The following SMYD3 variants were observed in gnomAD, a reference collection of about 807,000 sequenced individuals.
The protein encoded by SMYD3 is SET and MYND domain containing 3, also known as histone-lysine N-methyltransferase SMYD3.
In SMYD3, 36 loss-of-function variants were observed where a neutral mutation model predicts 57.7. That is an observed-to-expected ratio of 0.62 (90% CI 0.48 to 0.82). The LOEUF (loss-of-function observed/expected upper bound fraction) is 0.82, where lower values mean the gene tolerates loss of function less well. SMYD3 is among the 40% of genes least tolerant of loss of function. The pLI, the probability that SMYD3 is intolerant of heterozygous loss-of-function variation, is 0.00. For synonymous variants in SMYD3, 211 were observed against 195.0 expected (o/e 1.08, Z -0.68); for missense variants, 515 against 538.8 (o/e 0.96, Z 0.44).
intron 1 of SMYD3, among the ~76,000 whole-genome samples, chr1:246,401,780 T>A (rs1254263185): frequency 2.0e-5 from 3 of 151,222 alleles, no homozygotes; most frequent in Non-Finnish European, 2.9e-5. Context: ...TGGAGTGCAA[T>A]GGCACGATCT....
chr1:246,294,153 A>G (rs2064749600), intron 5 of SMYD3, among the ~76,000 whole-genome samples: 1 of 151,826 alleles, frequency 6.6e-6, no homozygotes, highest in African/African-American at 2.4e-5. Context: ...CCCTCTCCCT[A>G]CATTCCTTCC....
intron 2 of SMYD3, among the ~76,000 whole-genome samples, chr1:246,341,819 T>C (rs2065637232): frequency 6.6e-6 from 1 of 152,218 alleles, no homozygotes; most frequent in Admixed American, 6.5e-5. Flanking sequence ...CAAGTTTTGG[T>C]TGGAGTGGAT....
chr1:246,052,058 C>G (rs1443382412), intron 5 of SMYD3, among the ~76,000 whole-genome samples: 1 of 152,196 alleles, frequency 6.6e-6, no homozygotes, highest in East Asian at 1.9e-4. Context: ...ATAAAATACA[C>G]TTAATTAGAT....
intron 10 of SMYD3, among the ~76,000 whole-genome samples, chr1:245,781,737 T>C (rs1216384277): frequency 1.3e-5 from 2 of 152,190 alleles, no homozygotes; most frequent in East Asian, 1.9e-4. Flanking sequence ...TCCCAGCACT[T>C]TGGGAGGCCG....
intron 5 of SMYD3, among the ~76,000 whole-genome samples, chr1:246,134,798 TC>T (rs956622669): frequency 9.8e-4 from 105 of 106,692 alleles, no homozygotes; most frequent in African/African-American, 2.3e-3. Flanking sequence ...CACATTTTCT[TC>T]CCCCCCCTGC....
intron 5 of SMYD3, among the ~76,000 whole-genome samples, chr1:246,195,632 C>CAT (rs564274294): frequency 1.3e-5 from 2 of 152,150 alleles, no homozygotes; most frequent in Non-Finnish European, 2.9e-5. Flanking sequence ...CACACACACA[C>CAT]GCACTGAAAG....
rs1044589878 is a variant in SMYD3 at position 246,495,615 on chromosome 1, A to C, written c.164+11439T>G. The stretch of plus-strand genomic sequence containing the variant: ...CTTCAGAAGTAAGTTGCTTTCTCTT[A>C]TCAGTTTATGAACAATTTTTACATA... On this transcript the variant is annotated intron_variant, in intron 1 of 11. Coordinates refer to ENST00000490107, the MANE Select transcript of SMYD3 (RefSeq NM_001167740.2). Among the ~76,000 whole-genome samples, 3 of 152,276 alleles carry C rather than the reference A, an allele frequency of 2.0e-5. No individual in the cohort carries two copies. In the South Asian group the frequency reaches 6.2e-4, roughly 32 times the overall value.
chr1:245,806,738 G>GATGGAGGTTGCAGTGGGCCGAGA (rs2048172143), intron 10 of SMYD3, among the ~76,000 whole-genome samples: 1 of 150,972 alleles, frequency 6.6e-6, no homozygotes, highest in Non-Finnish European at 1.5e-5. Flanking sequence ...GTGAAACCCC[G>GATGGAGGTTGCAGTGGGCCGAGA]TCTCTACTAA....
chr1:245,955,130 C>A (rs977188830), intron 5 of SMYD3, among the ~76,000 whole-genome samples: 6 of 152,170 alleles, frequency 3.9e-5, no homozygotes, highest in Non-Finnish European at 7.3e-5. Flanking sequence ...CTCGCTCTGT[C>A]GCCCAGGCTG....
At chr1:246,008,698 A>T (rs930043005) in intron 5 of SMYD3, among the ~76,000 whole-genome samples, 1 of 152,156 alleles carries the variant, frequency 6.6e-6, no homozygotes, top group Admixed American at 6.5e-5. Context: ...GGAACAAAGC[A>T]GTAGTGTTTG....
At position 245,817,283 on chromosome 1, in the gene SMYD3, G is replaced by T. The variant is rs541867323; in HGVS notation, c.1076+41213C>A. On this transcript the variant is annotated intron_variant, in intron 10 of 11. Coordinates refer to ENST00000490107, the MANE Select transcript of SMYD3 (RefSeq NM_001167740.2). ...AACTGGGAGGCACCCCCCAGCAGGG[G>T]CACACTGACACCTCACATGGCAGGG... Among the ~76,000 whole-genome samples the T allele has an allele frequency of 1.1e-3, 152 of 136,894 alleles. 3 individuals are homozygous for T. The highest frequency in any genetic ancestry group is 4.5e-3 in the African/African-American group (138 of 30,894). The allele number at this position is 136,894 out of a possible 152,430, so 89.8% of individuals were successfully genotyped here.
intron 1 of SMYD3, among the ~76,000 whole-genome samples, chr1:246,471,895 G>A (rs914263037): frequency 1.3e-5 from 2 of 152,098 alleles, no homozygotes; most frequent in Admixed American, 1.3e-4. Context: ...CTAATTAGCA[G>A]GAAGCACAAC....
intron 5 of SMYD3, among the ~76,000 whole-genome samples, chr1:246,050,479 T>G (rs2185074): frequency 0.36 from 55,069 of 152,056 alleles, 12,214 homozygotes; most frequent in African/African-American, 0.6. Context: ...GAACAATCTC[T>G]ATCACTGTTG....
chr1:246,081,546 T>C (rs1021423135), intron 5 of SMYD3, among the ~76,000 whole-genome samples: 1 of 152,132 alleles, frequency 6.6e-6, no homozygotes, highest in African/African-American at 2.4e-5. Flanking sequence ...GCCTGCACCA[T>C]GTCACCTGGC....
chr1:246,417,083 C>G, intron 1 of SMYD3, among the ~76,000 whole-genome samples: 1 of 152,160 alleles, frequency 6.6e-6, no homozygotes. Context: ...TACAGTTCCT[C>G]CCTCAACTTC....
intron 1 of SMYD3, among the ~76,000 whole-genome samples, chr1:246,424,807 G>A (rs187336065): frequency 1.6e-3 from 239 of 152,192 alleles, no homozygotes; most frequent in Admixed American, 5.5e-3. Flanking sequence ...TTGCAAAATC[G>A]TTTTATCATC....
At chr1:246,326,075 AC>A in intron 5 of SMYD3, 1 of 272,480 alleles carries the variant, frequency 3.7e-6, no homozygotes, top group Non-Finnish European at 6.8e-6. Context: ...GAATAAAAAT[AC>A]ATTTGAGAAA....
intron 5 of SMYD3, among the ~76,000 whole-genome samples, chr1:246,046,316 T>A (rs528060263): frequency 2.2e-4 from 33 of 152,280 alleles, no homozygotes; most frequent in African/African-American, 7.9e-4. Flanking sequence ...TGAGTTCATG[T>A]CCTTTGTAGG....
chr1:245,892,755 G>A (rs1423194801), intron 8 of SMYD3, among the ~76,000 whole-genome samples: 1 of 152,168 alleles, frequency 6.6e-6, no homozygotes, highest in Non-Finnish European at 1.5e-5. Context: ...ATTCCTAAAT[G>A]TAAAACCTAA....
Sources: gnomAD v4.1 joint callset for allele counts (sites outside exome capture counted in the v4.1 genomes callset) on GRCh38, gnomAD v4.1.1 for gene constraint, MANE v1.5 for transcripts, NCBI Gene and HGNC (gene_info 2026-07-23, HGNC 2026-07-21) for gene names.